HGF: variants seen among roughly 807,000 people sequenced by gnomAD.
The protein encoded by HGF is hepatocyte growth factor, also known as fibroblast-derived tumor cytotoxic factor.
HGF carries 39 observed loss-of-function variants against 111.6 expected under a neutral mutation model. The observed-to-expected ratio is 0.35, with a 90% confidence interval of 0.27 to 0.46. The LOEUF is 0.46. Ranked by LOEUF, HGF falls within the 20% of genes least tolerant of loss-of-function variation. The probability of loss-of-function intolerance (pLI) is 1.00; values close to 1 mark genes in which losing one functional copy is unlikely to be tolerated. For missense variants in HGF, 735 were observed against 910.5 expected, an observed-to-expected ratio of 0.81 and a Z score of 2.48; for synonymous variants, 285 against 294.8, an observed-to-expected ratio of 0.97 and a Z score of 0.34.
chr7:81,745,349 T>C (rs1788194836), intron 5 of HGF, among the ~76,000 whole-genome samples: 1 of 152,034 alleles, frequency 6.6e-6, no homozygotes, highest in African/African-American at 2.4e-5. Context: ...GTCACACAGA[T>C]TTACTATAGG....
intron 4 of HGF, chr7:81,755,208 C>G (rs1177767987): frequency 6.6e-6 from 1 of 152,060 alleles, no homozygotes; most frequent in African/African-American, 2.4e-5. Context: ...CTTTCATCAT[C>G]TTTCCATTAA....
chr7:81,759,054 T>C (rs760108983), intron 2 of HGF, among the ~76,000 whole-genome samples: 8 of 152,188 alleles, frequency 5.3e-5, no homozygotes, highest in Non-Finnish European at 1.0e-4. Context: ...AATATTCTCA[T>C]GTTATTCCAA....
rs2115725631 is a variant in HGF at position 81,699,306 on chromosome 7, T to A, written c.*3275A>T. ...GTCAAGATATATATGGTCCAAAAAA[T>A]TTTAACTTTTTTTGTATTAGTAAAT... is the stretch of plus-strand genomic sequence containing the variant. On this transcript the variant is annotated 3_prime_UTR_variant, in exon 18 of 18. Transcript: ENST00000222390. 6.6e-6 allele frequency: 1 copy of A among 151,636 alleles called. No individual in the cohort carries two copies. The highest frequency in any genetic ancestry group is 1.5e-5 in the Non-Finnish European group (1 of 67,612). The allele number at this position is 151,636 out of a possible 1,614,324, so 9.4% of individuals were successfully genotyped here.
chr7:81,732,017 T>C (rs1012890307), intron 7 of HGF, among the ~76,000 whole-genome samples: 66 of 152,276 alleles, frequency 4.3e-4, no homozygotes, highest in African/African-American at 1.5e-3. Context: ...TCTTTTACTT[T>C]CCTACTTAAT....
chr7:81,763,561 C>T lies in HGF; in HGVS notation c.89-689G>A, dbSNP rs537879835. The stretch of plus-strand genomic sequence containing the variant: ...CATTTTTCTTCATGAAAATACAAGG[C>T]GCCTAGATAGCATGAAGCCTTCTAC... On this transcript the variant is annotated intron_variant, in intron 1 of 17. Coordinates refer to ENST00000222390, the MANE Select transcript of HGF (RefSeq NM_000601.6). Among the ~76,000 whole-genome samples, 9 of 152,134 alleles carry T rather than the reference C, an allele frequency of 5.9e-5. No homozygotes were observed. In the South Asian group the frequency reaches 1.7e-3, roughly 28 times the overall value.
intron 12 of HGF, among the ~76,000 whole-genome samples, chr7:81,710,687 T>C (rs1208549608): frequency 2.0e-5 from 3 of 152,198 alleles, no homozygotes; most frequent in Admixed American, 6.5e-5. Context: ...TACAGTTAGA[T>C]TGTAGATTTA....
intron 11 of HGF, among the ~76,000 whole-genome samples, chr7:81,715,392 A>G (rs968544087): frequency 4.6e-5 from 7 of 152,124 alleles, no homozygotes; most frequent in African/African-American, 1.7e-4. Context: ...CTGAAAAAGT[A>G]GGTGTGTTTC....
At chr7:81,704,867 C>G (rs1189890067) in intron 17 of HGF, among the ~76,000 whole-genome samples, 3 of 151,748 alleles carry the variant, frequency 2.0e-5, no homozygotes, top group African/African-American at 7.2e-5. Context: ...ATGAAATGTC[C>G]AAGCTCGTAA....
At position 81,743,438 on chromosome 7, in the gene HGF, G is replaced by A. The variant is rs375177081; in HGVS notation, c.780C>T (p.Cys260=). Residue 260 remains cysteine, a synonymous_variant, in exon 7 of 18, where the codon TGC becomes TGT. Coordinates refer to ENST00000222390, the MANE Select transcript of HGF (RefSeq NM_000601.6). Reference sequence around the variant, plus strand: ...GCCTCGGCTGGCCATCGGGATTGCGGCAATAATTATCATCAAAGCCCTTGT... The same window carrying A: ...GCCTCGGCTGGCCATCGGGATTGCGACAATAATTATCATCAAAGCCCTTGT... ...YPDKGFDDNY[C]RNPDGQPRPW... 6.2e-7 allele frequency: 1 copy of A among 1,613,106 alleles called. No individual in the cohort carries two copies. Among genetic ancestry groups the A allele is most frequent in the African/African-American group, 1.3e-5 (1 of 74,872 alleles).
chr7:81,711,590 ATATT>A (rs1322071583), intron 11 of HGF, 71 bp from the exon 12 acceptor site: 1 of 660,910 alleles, frequency 1.5e-6, no homozygotes, highest in African/African-American at 1.9e-5. Flanking sequence ...AACCAAATAT[ATATT>A]AAAATCCAAG....
chr7:81,758,672 T>G lies in HGF; in HGVS notation c.367+20A>C. On this transcript the variant is annotated intron_variant, in intron 3 of 17. Coordinates refer to ENST00000222390, the MANE Select transcript of HGF (RefSeq NM_000601.6). ...TTATACTTTATTTCATTATGCAATA[T>G]TTAGGGAGAAGTCAGTTACCTTTGT... 1 of 1,309,758 alleles carries G rather than the reference T, an allele frequency of 7.6e-7. No homozygotes were observed. Among genetic ancestry groups the G allele is most frequent in the Non-Finnish European group, 1.1e-6 (1 of 903,232 alleles). The allele number at this position is 1,309,758 out of a possible 1,614,324, so 81.1% of individuals were successfully genotyped here. A position where few individuals can be genotyped will look rare whatever the true frequency, so the allele number is the denominator to read the frequency against.
intron 9 of HGF, among the ~76,000 whole-genome samples, chr7:81,721,085 A>C (rs1789845691): frequency 6.6e-6 from 1 of 152,174 alleles, no homozygotes; most frequent in African/African-American, 2.4e-5. Context: ...CTCTACTTTA[A>C]AAATACAAAA....
At chr7:81,739,555 C>G (rs1434988623) in intron 7 of HGF, among the ~76,000 whole-genome samples, 1 of 52,192 alleles carries the variant, frequency 1.9e-5, no homozygotes, top group Non-Finnish European at 3.2e-5. Flanking sequence ...GTTTAGTGTC[C>G]CCAGGGTTTT....
At chr7:81,705,853 A>C in intron 15 of HGF, 100 bp from the exon 16 acceptor site, 1 of 721,378 alleles carries the variant, frequency 1.4e-6, no homozygotes, top group Non-Finnish European at 2.4e-6. Context: ...ATTTACAGAG[A>C]ATGAAGTCCT....
At chr7:81,708,448 C>A (rs1329491901) in intron 13 of HGF, among the ~76,000 whole-genome samples, 1 of 146,422 alleles carries the variant, frequency 6.8e-6, no homozygotes, top group Non-Finnish European at 1.5e-5. Context: ...CTTTTATCCT[C>A]TGGGGTTATA....
At chr7:81,745,940 A>AT (rs1483833014) in intron 5 of HGF, among the ~76,000 whole-genome samples, 2 of 152,210 alleles carry the variant, frequency 1.3e-5, no homozygotes, top group African/African-American at 4.8e-5. Flanking sequence ...AGACAGGTTG[A>AT]TTTGTAGCAC....
chr7:81,744,103 A>G (rs1161997129), intron 6 of HGF, among the ~76,000 whole-genome samples: 1 of 152,216 alleles, frequency 6.6e-6, no homozygotes, highest in Non-Finnish European at 1.5e-5. Flanking sequence ...AATTTCATTA[A>G]AAATAACACC....
chr7:81,769,101 CA>C (rs1318280255), intron 1 of HGF, among the ~76,000 whole-genome samples: 1 of 152,134 alleles, frequency 6.6e-6, no homozygotes, highest in African/African-American at 2.4e-5. Flanking sequence ...AATGATACAA[CA>C]AAATACAGAT....
At chr7:81,715,140 A>G (rs898688125) in intron 11 of HGF, among the ~76,000 whole-genome samples, 1 of 152,110 alleles carries the variant, frequency 6.6e-6, no homozygotes, top group African/African-American at 2.4e-5. Flanking sequence ...ACTCTTAACC[A>G]TGCATATGTG....
Sources: gnomAD v4.1 joint callset for allele counts (sites outside exome capture counted in the v4.1 genomes callset) on GRCh38, gnomAD v4.1.1 for gene constraint, MANE v1.5 for transcripts, NCBI Gene and HGNC (gene_info 2026-07-23, HGNC 2026-07-21) for gene names.